DGKI: variants seen among roughly 807,000 people sequenced by gnomAD.
DGKI encodes diacylglycerol kinase iota.
In DGKI, 55 loss-of-function variants were observed where a neutral mutation model predicts 147.5. That is an observed-to-expected ratio of 0.37 (90% confidence interval 0.30 to 0.47). DGKI has a LOEUF of 0.47. Among genes scored for constraint, DGKI ranks in the 20% least tolerant of loss-of-function variants. The pLI, the probability that DGKI is intolerant of heterozygous loss-of-function variation, is 1.00. For synonymous variants in DGKI, 469 were observed against 477.1 expected, an observed-to-expected ratio of 0.98 and a Z score of 0.22; for missense variants, 1,007 against 1,323.8, an observed-to-expected ratio of 0.76 and a Z score of 3.71.
intron 28 of DGKI, among the ~76,000 whole-genome samples, chr7:137,441,880 A>G (rs185471380): frequency 3.8e-4 from 58 of 152,352 alleles, no homozygotes; most frequent in African/African-American, 1.3e-3. Flanking sequence ...ATTATTGTGT[A>G]CAAATAATAT....
chr7:137,740,401 C>T (rs933882665), intron 1 of DGKI, among the ~76,000 whole-genome samples: 20 of 152,130 alleles, frequency 1.3e-4, no homozygotes, highest in African/African-American at 4.3e-4. Flanking sequence ...TTCATAAGCT[C>T]CCTGGGGCCT....
intron 6 of DGKI, among the ~76,000 whole-genome samples, chr7:137,632,415 A>G (rs1384457255): frequency 2.0e-5 from 3 of 152,318 alleles, no homozygotes; most frequent in Non-Finnish European, 4.4e-5. Context: ...GTCTTTAACT[A>G]AAAGGACCTA....
chr7:137,420,092 T>C (rs1280949472), intron 28 of DGKI, among the ~76,000 whole-genome samples: 2 of 152,230 alleles, frequency 1.3e-5, no homozygotes, highest in African/African-American at 4.8e-5. Flanking sequence ...ACATGGCTAG[T>C]AACTGGGTAC....
chr7:137,784,073 G>T (rs1039456275), intron 1 of DGKI, among the ~76,000 whole-genome samples: 2 of 152,014 alleles, frequency 1.3e-5, no homozygotes, highest in Non-Finnish European at 2.9e-5. Context: ...AAAACACAAG[G>T]TATTCAGGCA....
intron 1 of DGKI, among the ~76,000 whole-genome samples, chr7:137,735,812 A>G (rs894151067): frequency 9.9e-5 from 15 of 152,098 alleles, no homozygotes; most frequent in African/African-American, 3.6e-4. Context: ...ACCAAGACCC[A>G]GCAACAGGGA....
At chr7:137,668,205 G>A (rs1822710727) in intron 3 of DGKI, among the ~76,000 whole-genome samples, 1 of 152,204 alleles carries the variant, frequency 6.6e-6, no homozygotes, top group African/African-American at 2.4e-5. Context: ...CTGTTCTCAT[G>A]AGATCCCTAG....
At chr7:137,425,118 C>A (rs1006168203) in intron 28 of DGKI, among the ~76,000 whole-genome samples, 4 of 150,674 alleles carry the variant, frequency 2.7e-5, no homozygotes, top group Non-Finnish European at 4.4e-5. Flanking sequence ...TGACCCCTGA[C>A]CCCTGAGCAG....
At chr7:137,657,560 C>G (rs186263759) in intron 3 of DGKI, among the ~76,000 whole-genome samples, 1 of 152,306 alleles carries the variant, frequency 6.6e-6, no homozygotes, top group African/African-American at 2.4e-5. Flanking sequence ...AAAGGACAGA[C>G]TGGAAGGAGG....
chr7:137,712,522 A>G (rs1050994035), intron 1 of DGKI, among the ~76,000 whole-genome samples: 4 of 152,216 alleles, frequency 2.6e-5, no homozygotes, highest in Admixed American at 6.5e-5. Flanking sequence ...AAGATATGTA[A>G]GCCTTTACAC....
At chr7:137,577,962 T>C (rs1033371337) in intron 16 of DGKI, among the ~76,000 whole-genome samples, 3 of 152,238 alleles carry the variant, frequency 2.0e-5, no homozygotes, top group African/African-American at 7.2e-5. Flanking sequence ...TTCCTCCATT[T>C]CTTACACTGG....
chr7:137,552,268 TCC>T, intron 20 of DGKI, 99 bp downstream of exon 20: 4 of 1,289,508 alleles, frequency 3.1e-6, no homozygotes, highest in Admixed American at 4.3e-5. Context: ...TGGACTTTTT[TCC>T]TCTTCCCAAC....
chr7:137,501,522 T>C (rs1297014884), intron 21 of DGKI, among the ~76,000 whole-genome samples: 1 of 152,118 alleles, frequency 6.6e-6, no homozygotes, highest in Non-Finnish European at 1.5e-5. Flanking sequence ...TTGATTCAGT[T>C]GGTATGATGC....
intron 1 of DGKI, among the ~76,000 whole-genome samples, chr7:137,820,010 C>T (rs1027471126): frequency 6.6e-6 from 1 of 152,174 alleles, no homozygotes; most frequent in Non-Finnish European, 1.5e-5. Flanking sequence ...TGCATGCCTT[C>T]GACATAGTGC....
chr7:137,410,565 C>T (rs1812125684), intron 29 of DGKI, among the ~76,000 whole-genome samples: 1 of 152,152 alleles, frequency 6.6e-6, no homozygotes, highest in African/African-American at 2.4e-5. Context: ...AATAAGACAA[C>T]CAGCTGGATA....
At chr7:137,413,263 C>T (rs920946263) in intron 28 of DGKI, among the ~76,000 whole-genome samples, 3 of 73,300 alleles carry the variant, frequency 4.1e-5, no homozygotes, top group South Asian at 3.9e-4. Context: ...GAGACTCCAT[C>T]TCAAAAAAAA....
chr7:137,466,113 G>A, intron 25 of DGKI, 78 bp from the exon 26 acceptor site: 1 of 1,529,892 alleles, frequency 6.5e-7, no homozygotes, highest in Non-Finnish European at 9.0e-7. Flanking sequence ...ATGAAATTCT[G>A]CAACGTGTCA....
intron 14 of DGKI, 76 bp from the exon 15 acceptor site, chr7:137,582,004 A>G (rs538275952): frequency 8.3e-7 from 1 of 1,205,910 alleles, no homozygotes; most frequent in African/African-American, 1.5e-5. Flanking sequence ...CTAAAGCTGG[A>G]CCCCTATCTC....
intron 2 of DGKI, among the ~76,000 whole-genome samples, chr7:137,689,235 G>A (rs1365162668): frequency 6.6e-6 from 1 of 152,156 alleles, no homozygotes; most frequent in Admixed American, 6.5e-5. Flanking sequence ...ATTGCTTCAG[G>A]AAGGGACAAA....
intron 27 of DGKI, among the ~76,000 whole-genome samples, chr7:137,445,185 C>T (rs539919032): frequency 6.6e-6 from 1 of 152,238 alleles, no homozygotes; most frequent in East Asian, 1.9e-4. Context: ...CTTTGGGATG[C>T]TTGATATGAC....
Sources: gnomAD v4.1 joint callset for allele counts (sites outside exome capture counted in the v4.1 genomes callset) on GRCh38, gnomAD v4.1.1 for gene constraint, MANE v1.5 for transcripts, NCBI Gene and HGNC (gene_info 2026-07-23, HGNC 2026-07-21) for gene names.